DDX10: variants seen among roughly 807,000 people sequenced by gnomAD.
DDX10 encodes DEAD-box helicase 10.
In DDX10, 74 loss-of-function variants were observed where a neutral mutation model predicts 104.3. The observed-to-expected ratio is 0.71, with a 90% CI of 0.59 to 0.86. DDX10 has a LOEUF of 0.86. Among genes scored for constraint, DDX10 ranks in the 40% least tolerant of loss-of-function variants. The pLI is 0.00. For missense variants in DDX10, 952 were observed against 1,040.0 expected, an observed-to-expected ratio of 0.92 and a Z score of 1.16; for synonymous variants, 351 against 353.4, an observed-to-expected ratio of 0.99 and a Z score of 0.08.
chr11:108,665,290 GGCAGGTCGAGC>G lies in DDX10; in HGVS notation c.140_150del (p.Gln47ArgfsTer11). 1 of 1,606,814 alleles carries G rather than the reference GGCAGGTCGAGC, an allele frequency of 6.2e-7. No individual in the cohort carries two copies. Among genetic ancestry groups the G allele is most frequent in the Non-Finnish European group, 8.5e-7 (1 of 1,177,094 alleles). ...AGGAAGCAACTGAAGAAACCCGAAT[GGCAGGTCGAGC>G]GCGAGAGTATCAGCCGCCTCATGCA... is the stretch of plus-strand genomic sequence containing the variant. On this transcript the variant is annotated frameshift_variant, in exon 1 of 18. Transcript: ENST00000322536. LOFTEE classifies it high-confidence loss of function.
In DDX10 at chr11:108,677,093, A is replaced by C. The variant is rs765004549; in HGVS notation, c.387A>C (p.Glu129Asp). ...KTLAFLVPVL[E>D]ALYRLQWTST... ...TTTGCTGTCTTTTTGAGGTGCTGGA[A>C]GCCTTATATCGTCTGCAATGGACTT... The change falls in exon 4 of 18, where the codon GAA becomes GAC. Residue 129 changes from glutamate (E) to aspartate (D), a missense_variant. This residue lies in a region of DDX10 where 412 missense variants were observed against 479.2 expected (regional missense o/e 0.86). Transcript: ENST00000322536. 2 of 1,606,318 alleles carry C rather than the reference A, an allele frequency of 1.2e-6. No homozygotes were observed. The highest frequency in any genetic ancestry group is 3.4e-5 in the Admixed American group (2 of 59,542).
At chr11:108,840,503 C>G (rs1390268695) in intron 14 of DDX10, among the ~76,000 whole-genome samples, 1 of 152,138 alleles carries the variant, frequency 6.6e-6, no homozygotes, top group Non-Finnish European at 1.5e-5. Context: ...CTCTGTTTTT[C>G]TGGAAGGGAC....
intron 13 of DDX10, among the ~76,000 whole-genome samples, chr11:108,765,144 T>A (rs1232325708): frequency 6.6e-6 from 1 of 152,214 alleles, no homozygotes; most frequent in Admixed American, 6.5e-5. Flanking sequence ...AACATTATTT[T>A]GCCAATTCCC....
At chr11:108,902,888 A>G (rs936947497) in intron 16 of DDX10, among the ~76,000 whole-genome samples, 1 of 152,166 alleles carries the variant, frequency 6.6e-6, no homozygotes, top group African/African-American at 2.4e-5. Context: ...GCACCTTTAC[A>G]TTAAAAATCA....
At chr11:108,869,194 G>A (rs370574305) in intron 16 of DDX10, among the ~76,000 whole-genome samples, 87 of 60,406 alleles carry the variant, frequency 1.4e-3, no homozygotes, top group African/African-American at 4.2e-3. Flanking sequence ...TTTTAAACCC[G>A]TTGTTTTTTT....
At chr11:108,905,752 A>G (rs1317558577) in intron 16 of DDX10, among the ~76,000 whole-genome samples, 1 of 152,168 alleles carries the variant, frequency 6.6e-6, no homozygotes, top group East Asian at 1.9e-4. Context: ...TTACTATAAA[A>G]AAATACCTGA....
chr11:108,838,467 A>G lies in DDX10; in HGVS notation c.1987A>G (p.Ser663Gly), dbSNP rs770144662. 14 of 1,612,290 alleles carry G rather than the reference A, an allele frequency of 8.7e-6. No individual in the cohort carries two copies. Among genetic ancestry groups the G allele is most frequent in the Non-Finnish European group, 1.1e-5 (13 of 1,179,454 alleles). The change falls in exon 14 of 18, where the codon AGC becomes GGC. Residue 663 changes from serine to glycine, a missense_variant. Coordinates refer to ENST00000322536, the MANE Select transcript of DDX10 (RefSeq NM_004398.4). The part of the protein sequence containing the change: ...TLQKKEPSKS[S>G]IKKKMTKVAE... The stretch of plus-strand genomic sequence containing the variant: ...ACAGAAGAAAGAACCTTCTAAATCC[A>G]GCATCAAGAAAAAAATGACCAAAGT...
At chr11:108,704,004 A>G (rs1339551692) in intron 9 of DDX10, among the ~76,000 whole-genome samples, 4 of 151,906 alleles carry the variant, frequency 2.6e-5, no homozygotes, top group Non-Finnish European at 4.4e-5. Flanking sequence ...CACTGTTACT[A>G]TTTGTCTTAA....
intron 9 of DDX10, among the ~76,000 whole-genome samples, chr11:108,703,408 C>A (rs528220793): frequency 6.6e-6 from 1 of 152,142 alleles, no homozygotes; most frequent in African/African-American, 2.4e-5. Context: ...CTGCTCACTG[C>A]AACCTCTGCC....
intron 16 of DDX10, among the ~76,000 whole-genome samples, chr11:108,887,351 T>A (rs941731864): frequency 2.0e-5 from 3 of 152,160 alleles, no homozygotes; most frequent in East Asian, 1.9e-4. Context: ...ATTCTTTTTT[T>A]AAAAAACCTT....
At position 108,671,533 on chromosome 11, in the gene DDX10, A is replaced by G. The variant is rs142556913; in HGVS notation, c.187-1934A>G. 8.7e-3 allele frequency among the ~76,000 whole-genome samples: 1,328 copies of G among 152,316 alleles called. 20 individuals are homozygous for G. Among genetic ancestry groups the G allele is most frequent in the African/African-American group, 0.029 (1,220 of 41,558 alleles). On this transcript the variant is annotated intron_variant, in intron 1 of 17. Transcript: ENST00000322536. ...TGCTATGTAATCCTTGGAATATAAC[A>G]GAATATCTAGAGCAGGGTCAGCAAA...
chr11:108,692,093 T>C, intron 8 of DDX10, 55 bp downstream of exon 8: 1 of 1,486,136 alleles, frequency 6.7e-7, no homozygotes, highest in Non-Finnish European at 9.1e-7. Context: ...GTAATTTGCT[T>C]ATAAAGTATA....
In DDX10 at chr11:108,706,810, A is replaced by G; in HGVS notation, c.1295A>G (p.Gln432Arg). The G allele has an allele frequency of 1.9e-6, 3 of 1,614,044 alleles. No homozygotes were observed. The highest frequency in any genetic ancestry group is 1.7e-6 in the Non-Finnish European group (2 of 1,179,906). The change falls in exon 10 of 18, where the codon CAG becomes CGG. Residue 432 changes from glutamine (Q) to arginine (R), a missense_variant. Physicochemically the swap from Gln to Arg is conservative, Grantham distance 43 (BLOSUM62 1). Transcript: ENST00000322536. ...SEKAMVQQLL[Q>R]KKVPVKEIKI... ...AAAGCTATGGTGCAGCAGCTTCTTCAGAAGAAAGTACCTGTGAAGGAAATC... is the reference window on the plus strand; with the variant it reads ...AAAGCTATGGTGCAGCAGCTTCTTCGGAAGAAAGTACCTGTGAAGGAAATC...
At chr11:108,810,824 T>C (rs537677061) in intron 13 of DDX10, among the ~76,000 whole-genome samples, 1 of 152,298 alleles carries the variant, frequency 6.6e-6, no homozygotes, top group South Asian at 2.1e-4. Flanking sequence ...GAGAGTTGTT[T>C]AAAAGTGAGC....
intron 13 of DDX10, among the ~76,000 whole-genome samples, chr11:108,826,695 A>G (rs1862400453): frequency 6.6e-6 from 1 of 152,214 alleles, no homozygotes; most frequent in Non-Finnish European, 1.5e-5. Flanking sequence ...GCAGGGCCAC[A>G]AAGATGAGGA....
chr11:108,722,090 C>T (rs1035086126), intron 12 of DDX10, among the ~76,000 whole-genome samples: 4 of 152,278 alleles, frequency 2.6e-5, no homozygotes, highest in Admixed American at 2.6e-4. Context: ...TGGGAAAGCT[C>T]CGGTATGGAA....
At chr11:108,935,793 A>G (rs1046334370) in intron 17 of DDX10, among the ~76,000 whole-genome samples, 1 of 152,182 alleles carries the variant, frequency 6.6e-6, no homozygotes, top group South Asian at 2.1e-4. Flanking sequence ...CATTTTCACA[A>G]AAATTTCAAA....
In DDX10 at chr11:108,917,969, T is replaced by C. The variant is rs1295535350; in HGVS notation, c.2401T>C (p.Tyr801His). Residue 801 changes from tyrosine (Y) to histidine (H), a missense_variant, in exon 17 of 18, where the codon TAC becomes CAC. Transcript: ENST00000322536. ...DPSTLPDPDK[Y>H]RSSEDSDSED... ...AAGCACACTCCCAGATCCAGATAAA[T>C]ACAGAAGCTCTGAAGATTCAGATAG... 10 of 1,613,496 alleles carry C rather than the reference T, an allele frequency of 6.2e-6. No homozygotes were observed. The highest frequency in any genetic ancestry group is 2.7e-5 in the African/African-American group (2 of 74,896).
At chr11:108,893,160 G>A (rs775726258) in intron 16 of DDX10, among the ~76,000 whole-genome samples, 15 of 152,092 alleles carry the variant, frequency 9.9e-5, no homozygotes, top group South Asian at 2.1e-4. Context: ...AAGATGAAGT[G>A]CACATGACAG....
Sources: allele counts gnomAD v4.1 joint callset (sites outside exome capture counted in the v4.1 genomes callset), GRCh38; gene constraint gnomAD v4.1.1; regional missense constraint gnomAD v4.1.1; transcripts MANE v1.5; gene names NCBI Gene and HGNC (gene_info 2026-07-23, HGNC 2026-07-21).